MOBP: variants seen among roughly 807,000 people sequenced by gnomAD.
MOBP encodes myelin associated oligodendrocyte basic protein.
MOBP carries 5 observed loss-of-function variants against 15.0 expected under a neutral mutation model. That is an observed-to-expected ratio of 0.33 (90% confidence interval 0.17 to 0.70). The LOEUF is 0.70. Among genes scored for constraint, MOBP ranks in the 30% least tolerant of loss-of-function variants. The pLI is 0.67. For missense variants in MOBP, 188 were observed against 257.8 expected (o/e 0.73, Z 1.85); for synonymous variants, 88 against 99.0 (o/e 0.89, Z 0.66).
At chr3:39,468,107 TTTA>T (rs2042369883) in intron 1 of MOBP, among the ~76,000 whole-genome samples, 1 of 152,068 alleles carries the variant, frequency 6.6e-6, no homozygotes. Context: ...TATTTCTTCT[TTTA>T]TTATTTGTCA....
intron 3 of MOBP, among the ~76,000 whole-genome samples, chr3:39,521,905 C>T (rs562874069): frequency 7.2e-5 from 11 of 152,306 alleles, no homozygotes; most frequent in East Asian, 1.9e-4. Context: ...AGGTACATTG[C>T]GCATAACCTG....
intron 4 of MOBP, among the ~76,000 whole-genome samples, chr3:39,510,448 A>G (rs894688697): frequency 6.6e-6 from 1 of 152,180 alleles, no homozygotes; most frequent in Non-Finnish European, 1.5e-5. Flanking sequence ...CTGATAATTC[A>G]TGAACATGGT....
rs75213197 is a variant in MOBP, at chr3:39,521,587, C to G, written c.*259-2656C>G. Among the ~76,000 whole-genome samples, 1,135 of 152,300 alleles carry G rather than the reference C, an allele frequency of 7.5e-3. 7 individuals are homozygous for G. Among genetic ancestry groups the G allele is most frequent in the East Asian group, 0.036 (185 of 5,192 alleles). ...ATTTAAAAGATAAAAATGAAAGTGT[C>G]TGCTCCTAAATTCATGGGCAAGTCT... On this transcript the variant is annotated intron_variant and NMD_transcript_variant, in intron 3 of 4. Coordinates refer to the MOBP transcript ENST00000424090.
intron 2 of MOBP, among the ~76,000 whole-genome samples, chr3:39,484,187 A>C (rs1013835815): frequency 6.6e-6 from 1 of 152,224 alleles, no homozygotes; most frequent in African/African-American, 2.4e-5. Context: ...CTGGGTTGTT[A>C]AGGATGAATA....
intron 1 of MOBP, among the ~76,000 whole-genome samples, chr3:39,470,680 A>G (rs1431572005): frequency 6.6e-6 from 1 of 152,220 alleles, no homozygotes; most frequent in African/African-American, 2.4e-5. Context: ...CTCACTAAAA[A>G]TATCAGTTGT....
At chr3:39,507,661 A>G (rs1036417600), downstream of MOBP, among the ~76,000 whole-genome samples, 2 of 152,210 alleles carry the variant, frequency 1.3e-5, no homozygotes, top group Non-Finnish European at 2.9e-5. Context: ...GCTGAGCTCA[A>G]CAGAGCTGTA....
chr3:39,495,929 A>G lies in MOBP; in HGVS notation c.-4-6137A>G, dbSNP rs139904062. ...AAAAAAAATGAGAGAAGATACAAAT[A>G]TAGAATATAAACTATAGAGAAGATT... On this transcript the variant is annotated intron_variant, in intron 2 of 3. Coordinates refer to ENST00000684792, the MANE Select transcript of MOBP (RefSeq NM_001393704.1). Among the ~76,000 whole-genome samples, 62 of 152,118 alleles carry G rather than the reference A, an allele frequency of 4.1e-4. 1 individual carries two copies. The East Asian group carries it at 0.012, about 29-fold the overall frequency.
intron 2 of MOBP, among the ~76,000 whole-genome samples, chr3:39,492,101 G>A (rs1322114355): frequency 6.6e-6 from 1 of 152,170 alleles, no homozygotes; most frequent in East Asian, 1.9e-4. Context: ...CGTAATGCAT[G>A]GGAACCAAAC....
chr3:39,519,963 T>G (rs983143937), downstream of MOBP, among the ~76,000 whole-genome samples: 2 of 151,790 alleles, frequency 1.3e-5, no homozygotes, highest in African/African-American at 2.4e-5. Context: ...ACATCTGTTT[T>G]TTTTTTTTTT....
intron 1 of MOBP, among the ~76,000 whole-genome samples, chr3:39,468,806 A>ATT (rs1468911321): frequency 8.2e-6 from 1 of 121,264 alleles, no homozygotes; most frequent in Admixed American, 7.7e-5. Context: ...ATATATACAT[A>ATT]TGTGTGTGTA....
At position 39,502,010 on chromosome 3, in the gene MOBP, C is replaced by T. The variant is rs937609892; in HGVS notation, c.-4-56C>T. 45 of 1,466,738 alleles carry T rather than the reference C, an allele frequency of 3.1e-5. No homozygotes were observed. Among genetic ancestry groups the T allele is most frequent in the Non-Finnish European group, 4.3e-5 (45 of 1,049,674 alleles). The allele number at this position is 1,466,738 out of a possible 1,614,324, so 90.9% of individuals were successfully genotyped here. A position where few individuals can be genotyped will look rare whatever the true frequency, so the allele number is the denominator to read the frequency against. ...AGGGGGCTTCCAGAGTAGAGGGCTC[C>T]CTTTCCTGATGTGCGTTTATGTCTC... On this transcript the variant is annotated intron_variant, in intron 2 of 3. Transcript: ENST00000684792. This position sits in a 1 kb window ranked among gnomAD's most constrained non-coding sequence, Gnocchi z 6.3.
intron 1 of MOBP, among the ~76,000 whole-genome samples, chr3:39,473,765 A>C (rs2125624112): frequency 6.6e-6 from 1 of 152,354 alleles, no homozygotes; most frequent in Middle Eastern, 3.4e-3. Flanking sequence ...ACAGAAAATA[A>C]GATCATTTCC....
At chr3:39,493,875 G>A (rs184183614) in intron 2 of MOBP, among the ~76,000 whole-genome samples, 262 of 152,278 alleles carry the variant, frequency 1.7e-3, no homozygotes, top group Middle Eastern at 3.4e-3. Context: ...GAACCCTATG[G>A]GACAAGTTCC....
intron 1 of MOBP, among the ~76,000 whole-genome samples, chr3:39,474,736 A>G (rs2042521326): frequency 6.6e-6 from 1 of 152,204 alleles, no homozygotes; most frequent in South Asian, 2.1e-4. Context: ...TTTGCACATA[A>G]AAAGAGTGAG....
At position 39,490,755 on chromosome 3, in the gene MOBP, G is replaced by A. The variant is rs145369446; in HGVS notation, c.-5+10632G>A. Reference sequence around the variant, plus strand: ...TTTTTGTACTTTTAGTAGAGATGAGGTTTCACCATGTTGGCCAGGCTGGTC... The same window carrying A: ...TTTTTGTACTTTTAGTAGAGATGAGATTTCACCATGTTGGCCAGGCTGGTC... On this transcript the variant is annotated intron_variant, in intron 2 of 3. Transcript: ENST00000684792. 5.3e-3 allele frequency among the ~76,000 whole-genome samples: 801 copies of A among 152,214 alleles called. 6 individuals are homozygous for A. The highest frequency in any genetic ancestry group is 0.018 in the African/African-American group (755 of 41,528).
downstream of MOBP, chr3:39,525,267 G>A (rs529839): frequency 0.19 from 29,458 of 152,106 alleles, 2,940 homozygotes; most frequent in Middle Eastern, 0.23. Flanking sequence ...AAGGTTATAT[G>A]TCTTAGAAAA....
At chr3:39,506,914 G>A (rs1707968), downstream of MOBP, among the ~76,000 whole-genome samples, 39,400 of 151,948 alleles carry the variant, frequency 0.26, 5,834 homozygotes, top group African/African-American at 0.41. Flanking sequence ...GGATTTGTTG[G>A]GCTGTTCTCT....
intron 2 of MOBP, among the ~76,000 whole-genome samples, chr3:39,488,539 T>C (rs768340049): frequency 1.2e-4 from 19 of 152,208 alleles, no homozygotes; most frequent in Non-Finnish European, 2.4e-4. Context: ...CAGACTAGTC[T>C]ATTAGGTGGC....
intron 2 of MOBP, among the ~76,000 whole-genome samples, chr3:39,489,829 G>A (rs1221015981): frequency 2.6e-5 from 4 of 152,152 alleles, no homozygotes; most frequent in Admixed American, 6.5e-5. Context: ...TGGCCACTCC[G>A]AGTTTCTGCC....
Sources: allele counts gnomAD v4.1 joint callset (sites outside exome capture counted in the v4.1 genomes callset), GRCh38; gene constraint gnomAD v4.1.1; non-coding constraint Gnocchi (gnomAD v3.1); transcripts MANE v1.5; gene names NCBI Gene and HGNC (gene_info 2026-07-23, HGNC 2026-07-21).